Variants in SEC14L5 observed in about 807,000 individuals in gnomAD.
SEC14L5 encodes the protein SEC14 like lipid binding 5, also known as SEC14-like protein 5.
Under a neutral mutation model 84.6 loss-of-function variants are expected in SEC14L5, and 96 were observed. The observed-to-expected ratio is 1.13, with a 90% CI of 0.96 to 1.34. The LOEUF (loss-of-function observed/expected upper bound fraction) is 1.34, where lower values mean the gene tolerates loss of function less well. SEC14L5 is among the 40% of genes most tolerant of loss of function. SEC14L5 has a pLI of 0.00. For synonymous variants in SEC14L5, 546 were observed against 383.4 expected (o/e 1.42, Z -4.95); for missense variants, 1,224 against 942.5 (o/e 1.30, Z -3.91).
intron 2 of SEC14L5, among the ~76,000 whole-genome samples, chr16:4,984,948 TAC>T (rs949412426): frequency 7.2e-5 from 11 of 152,364 alleles, no homozygotes; most frequent in African/African-American, 2.6e-4. Flanking sequence ...CCCCATTTTC[TAC>T]ACACACATGT....
At chr16:4,988,010 C>G in intron 3 of SEC14L5, 139 bp from the exon 4 acceptor site, 1 of 888,594 alleles carries the variant, frequency 1.1e-6, no homozygotes, top group Non-Finnish European at 1.7e-6. Flanking sequence ...GTCCTGGGTC[C>G]GGGCTGGGTG....
chr16:4,987,541 G>C lies in SEC14L5; in HGVS notation c.64-16G>C. 6 of 1,532,510 alleles carry C rather than the reference G, an allele frequency of 3.9e-6. No individual in the cohort carries two copies. Among genetic ancestry groups the C allele is most frequent in the Non-Finnish European group, 5.3e-6 (6 of 1,139,452 alleles). 94.9% of individuals were successfully genotyped at this position (1,532,510 alleles called of 1,614,324 possible). Reference sequence around the variant, plus strand: ...GCCCCCCCCACCACGGCCGCTCACTGCCGCTCTGCCCCCAGGCCTACGAGA... The same window carrying C: ...GCCCCCCCCACCACGGCCGCTCACTCCCGCTCTGCCCCCAGGCCTACGAGA... On this transcript the variant is annotated splice_polypyrimidine_tract_variant and intron_variant, in intron 2 of 15. Transcript: ENST00000251170.
At chr16:4,981,255 GTTTTTTTT>G (rs58882220) in intron 2 of SEC14L5, among the ~76,000 whole-genome samples, 130 of 92,920 alleles carry the variant, frequency 1.4e-3, no homozygotes, top group African/African-American at 4.4e-3. Context: ...TAGCTAATTG[GTTTTTTTT>G]TTTTTTTTTT....
Position 4,974,569 on chromosome 16 carries a change from C to T in SEC14L5, c.64-12988C>T, listed in dbSNP as rs141345924. Among the ~76,000 whole-genome samples the T allele has an allele frequency of 2.1e-4, 31 of 149,900 alleles. No individual in the cohort carries two copies. In the East Asian group the frequency reaches 3.9e-3, roughly 19 times the overall value. On this transcript the variant is annotated intron_variant, in intron 2 of 15. Transcript: ENST00000251170. ...ATTATATTTTAATTTTTTAAAAAAA[C>T]ATTTATTTTTATTTAAACAGTTTTT...
At position 5,005,895 on chromosome 16, in the gene SEC14L5, C is replaced by G; in HGVS notation, c.1303-19C>G. The G allele has an allele frequency of 6.7e-7, 1 of 1,492,238 alleles. No individual in the cohort carries two copies. The highest frequency in any genetic ancestry group is 9.1e-7 in the Non-Finnish European group (1 of 1,101,496). The allele number at this position is 1,492,238 out of a possible 1,614,324, so 92.4% of individuals were successfully genotyped here. ...AAAAAAAAAAAAACCATCCATCTTG[C>G]CTTATGTCCTGGTTTCAGATCAGCC... On this transcript the variant is annotated intron_variant, in intron 11 of 15. Transcript: ENST00000251170.
chr16:4,997,075 G>A, intron 8 of SEC14L5, 31 bp downstream of exon 8: 3 of 1,520,606 alleles, frequency 2.0e-6, no homozygotes, highest in Non-Finnish European at 2.7e-6. Flanking sequence ...CATGTATAGG[G>A]CATACTTTGG....
chr16:4,994,720 C>T lies in SEC14L5; in HGVS notation c.668-1628C>T, dbSNP rs183119946. Among the ~76,000 whole-genome samples the T allele has an allele frequency of 6.6e-5, 10 of 151,978 alleles. No homozygotes were observed. The East Asian group carries it at 1.4e-3, about 21-fold the overall frequency. On this transcript the variant is annotated intron_variant, in intron 6 of 15. Coordinates refer to ENST00000251170, the MANE Select transcript of SEC14L5 (RefSeq NM_014692.2). ...TTATAACAGCGCCCGCTCCTGCCCCCTCCTGTGCACGCTCTCTGTGGCCTG... is the reference window on the plus strand; with the variant it reads ...TTATAACAGCGCCCGCTCCTGCCCCTTCCTGTGCACGCTCTCTGTGGCCTG...
intron 15 of SEC14L5, among the ~76,000 whole-genome samples, chr16:5,012,963 C>G (rs1376762827): frequency 6.6e-6 from 1 of 150,904 alleles, no homozygotes; most frequent in Non-Finnish European, 1.5e-5. Flanking sequence ...GTTTAATTGA[C>G]TCACGGTTCT....
chr16:4,988,986 G>A (rs1222975397), intron 4 of SEC14L5, among the ~76,000 whole-genome samples: 1 of 152,214 alleles, frequency 6.6e-6, no homozygotes, highest in Non-Finnish European at 1.5e-5. Context: ...AGGTGGTAGG[G>A]GCACTGAAGC....
At chr16:5,012,228 C>G (rs1023589805) in intron 15 of SEC14L5, among the ~76,000 whole-genome samples, 1 of 152,074 alleles carries the variant, frequency 6.6e-6, no homozygotes, top group African/African-American at 2.4e-5. Context: ...CAGTGTGAGG[C>G]GACAGGCTGA....
chr16:4,969,339 T>C (rs1345680330), intron 2 of SEC14L5, among the ~76,000 whole-genome samples: 5 of 152,216 alleles, frequency 3.3e-5, no homozygotes, highest in Admixed American at 3.3e-4. Flanking sequence ...TCCTAGCACT[T>C]CTTTTTTTCT....
At chr16:4,967,561 C>CATTTTTTTTTTTTTT (rs1568104233) in intron 2 of SEC14L5, among the ~76,000 whole-genome samples, 1 of 86,272 alleles carries the variant, frequency 1.2e-5, no homozygotes. Flanking sequence ...TTCTTTCTTT[C>CATTTTTTTTTTTTTT]GTTTTTTTTT....
At chr16:5,007,847 C>A (rs1338674423) in intron 13 of SEC14L5, among the ~76,000 whole-genome samples, 4 of 151,454 alleles carry the variant, frequency 2.6e-5, no homozygotes, top group African/African-American at 9.7e-5. Context: ...GTCAGGTGAT[C>A]CGCCCGCCTA....
intron 12 of SEC14L5, 97 bp downstream of exon 12, chr16:5,006,145 G>T (rs1464457147): frequency 7.7e-6 from 10 of 1,304,912 alleles, no homozygotes; most frequent in Non-Finnish European, 9.7e-6. Context: ...GAGGTGGAGG[G>T]GGGCTGGGTG....
intron 2 of SEC14L5, among the ~76,000 whole-genome samples, chr16:4,986,100 C>G (rs1462131097): frequency 6.6e-6 from 1 of 151,776 alleles, no homozygotes; most frequent in Non-Finnish European, 1.5e-5. Context: ...TTCAATTTCT[C>G]CACATCCTCA....
intron 4 of SEC14L5, among the ~76,000 whole-genome samples, chr16:4,988,788 T>A (rs1399276249): frequency 3.3e-5 from 5 of 152,244 alleles, no homozygotes; most frequent in Admixed American, 3.3e-4. Context: ...TATTCTCTAG[T>A]ATATACTGAT....
intron 14 of SEC14L5, among the ~76,000 whole-genome samples, chr16:5,010,169 T>A (rs12927450): frequency 7.4e-6 from 1 of 135,328 alleles, no homozygotes; most frequent in African/African-American, 2.8e-5. Flanking sequence ...ATGGTGAAAC[T>A]CCGTCTCTAC....
intron 2 of SEC14L5, among the ~76,000 whole-genome samples, chr16:4,982,386 T>C (rs1955434628): frequency 6.6e-6 from 1 of 152,132 alleles, no homozygotes; most frequent in South Asian, 2.1e-4. Flanking sequence ...CAGCCACAGA[T>C]GCTGGGATAC....
At chr16:4,974,458 C>T (rs1955316001) in intron 2 of SEC14L5, among the ~76,000 whole-genome samples, 1 of 152,164 alleles carries the variant, frequency 6.6e-6, no homozygotes, top group Non-Finnish European at 1.5e-5. Context: ...CCGACCTCGA[C>T]CTCCCAAAGT....
Sources: gnomAD v4.1 joint callset for allele counts (sites outside exome capture counted in the v4.1 genomes callset) on GRCh38, gnomAD v4.1.1 for gene constraint, MANE v1.5 for transcripts, NCBI Gene and HGNC (gene_info 2026-07-23, HGNC 2026-07-21) for gene names.